The following HCRTR2 variants were observed in gnomAD, a reference collection of about 807,000 sequenced individuals.
HCRTR2 encodes orexin receptor type 2.
HCRTR2 carries 22 observed loss-of-function variants against 49.0 expected under a neutral mutation model. The ratio of observed to expected loss-of-function variants is 0.45; its 90% CI spans 0.32 to 0.64. HCRTR2 has a LOEUF of 0.64. HCRTR2 is among the 30% of genes least tolerant of loss of function. The probability of loss-of-function intolerance (pLI) is 0.04; values close to 1 mark genes in which losing one functional copy is unlikely to be tolerated. For missense variants in HCRTR2, 491 were observed against 559.4 expected (o/e 0.88, Z 1.23); for synonymous variants, 236 against 205.3 (o/e 1.15, Z -1.28).
intron 1 of HCRTR2, among the ~76,000 whole-genome samples, chr6:55,141,494 ATCTG>A (rs1764507004): frequency 6.6e-6 from 1 of 152,232 alleles, no homozygotes; most frequent in Non-Finnish European, 1.5e-5. Context: ...TATTTTAATT[ATCTG>A]TCTCTTATGT....
Position 55,230,528 on chromosome 6 carries a change from G to A in HCRTR2, c.224-18111G>A, listed in dbSNP as rs373872714. Among the ~76,000 whole-genome samples the A allele has an allele frequency of 2.8e-4, 43 of 152,280 alleles. 1 individual carries two copies. In the South Asian group the frequency reaches 4.1e-3, roughly 15 times the overall value. Reference sequence around the variant, plus strand: ...CCTGAATTGAAGTAATATGGGATGTGTTGAAAGAATACATCAAGACATTTT... The same window carrying A: ...CCTGAATTGAAGTAATATGGGATGTATTGAAAGAATACATCAAGACATTTT... On this transcript the variant is annotated intron_variant, in intron 1 of 6. Coordinates refer to ENST00000370862, the MANE Select transcript of HCRTR2 (RefSeq NM_001384272.1).
At position 55,162,929 on chromosome 6, in the gene HCRTR2, G is replaced by A. The variant is rs540511276; in HGVS notation, c.-377-11282G>A. Among the ~76,000 whole-genome samples the A allele has an allele frequency of 2.6e-5, 4 of 152,202 alleles. No homozygotes were observed. In the East Asian group the frequency reaches 7.7e-4, roughly 29 times the overall value. On this transcript the variant is annotated intron_variant, in intron 1 of 7. Transcript: ENST00000615358. ...ATAGACTCAATGCTATGTTCATCAA[G>A]CTACCACCGAATTTCTTCACAGAAT...
chr6:55,254,253 G>C (rs1457104843), intron 2 of HCRTR2, among the ~76,000 whole-genome samples: 2 of 151,892 alleles, frequency 1.3e-5, no homozygotes, highest in Non-Finnish European at 2.9e-5. Context: ...AAATGTAAAA[G>C]AAATCAGAAG....
intron 1 of HCRTR2, among the ~76,000 whole-genome samples, chr6:55,246,406 T>C (rs1171393700): frequency 6.6e-6 from 1 of 151,934 alleles, no homozygotes; most frequent in East Asian, 1.9e-4. Context: ...CACTGCAAAA[T>C]GAACTCAAGG....
chr6:55,203,552 G>A (rs987411773), intron 1 of HCRTR2, among the ~76,000 whole-genome samples: 1 of 152,106 alleles, frequency 6.6e-6, no homozygotes, highest in African/African-American at 2.4e-5. Context: ...ATGAAGTTAA[G>A]TGCTATGGAA....
intron 1 of HCRTR2, among the ~76,000 whole-genome samples, chr6:55,150,149 C>A (rs1764644861): frequency 1.3e-5 from 2 of 151,778 alleles, no homozygotes; most frequent in Middle Eastern, 3.2e-3. Context: ...ATTAAAAAAA[C>A]ATTTTATTAA....
intron 1 of HCRTR2, 93 bp from the exon 2 acceptor site, chr6:55,248,546 A>T: frequency 1.9e-6 from 2 of 1,039,076 alleles, no homozygotes; most frequent in Non-Finnish European, 3.0e-6. Context: ...TTTTAAATAC[A>T]TATTTGTGGA....
chr6:55,172,300 T>C (rs1252023234), upstream of HCRTR2, among the ~76,000 whole-genome samples: 1 of 152,208 alleles, frequency 6.6e-6, no homozygotes, highest in African/African-American at 2.4e-5. Context: ...TGGGATTTTC[T>C]ACTCATCATC....
intron 1 of HCRTR2, among the ~76,000 whole-genome samples, chr6:55,149,320 A>G (rs911577528): frequency 3.3e-5 from 5 of 152,132 alleles, no homozygotes; most frequent in African/African-American, 9.6e-5. Flanking sequence ...TTGTACCACT[A>G]TGGTCACCCA....
intron 1 of HCRTR2, among the ~76,000 whole-genome samples, chr6:55,222,154 G>A (rs4496804): frequency 0.17 from 26,141 of 151,974 alleles, 2,733 homozygotes; most frequent in Non-Finnish European, 0.24. Context: ...TGGACCTGAT[G>A]GATATCTCTC....
At chr6:55,208,889 T>A (rs1765650658) in intron 1 of HCRTR2, among the ~76,000 whole-genome samples, 1 of 152,250 alleles carries the variant, frequency 6.6e-6, no homozygotes, top group Non-Finnish European at 1.5e-5. Context: ...AAAAGCATTA[T>A]TTGGGCCTTA....
chr6:55,264,513 C>A (rs980934789), intron 4 of HCRTR2, among the ~76,000 whole-genome samples: 1 of 151,920 alleles, frequency 6.6e-6, no homozygotes, highest in Non-Finnish European at 1.5e-5. Flanking sequence ...AATTCATAGT[C>A]TAGAGGAGGG....
At position 55,248,816 on chromosome 6, in the gene HCRTR2, A is replaced by C; in HGVS notation, c.401A>C (p.Gln134Pro). 6.2e-7 allele frequency: 1 copy of C among 1,612,368 alleles called. No homozygotes were observed. Among genetic ancestry groups the C allele is most frequent in the Non-Finnish European group, 8.5e-7 (1 of 1,178,572 alleles). ...QSLCKVIPYL[Q>P]TVSVSVSVLT... ...CTTTGCAAAGTGATTCCTTATCTAC[A>C]GGTAATTGTTTTTAATGCTTTTTTG... The change falls in exon 2 of 7, where the codon CAG becomes CCG. Residue 134 changes from glutamine (Q) to proline (P), a missense_variant and splice_region_variant. Physicochemically the swap from Gln to Pro is moderately conservative, Grantham distance 76 (BLOSUM62 -1). Transcript: ENST00000370862.
intron 1 of HCRTR2, among the ~76,000 whole-genome samples, chr6:55,153,113 A>G (rs549475396): frequency 6.6e-6 from 1 of 152,010 alleles, no homozygotes; most frequent in East Asian, 1.9e-4. Context: ...TTGCATATGG[A>G]TATCCAGTTT....
At chr6:55,232,640 T>A (rs1337954189) in intron 1 of HCRTR2, among the ~76,000 whole-genome samples, 1 of 152,220 alleles carries the variant, frequency 6.6e-6, no homozygotes, top group Admixed American at 6.5e-5. Context: ...ATGACAAAGA[T>A]CACTTGTGAA....
chr6:55,168,302 AT>A (rs917868969), intron 1 of HCRTR2, among the ~76,000 whole-genome samples: 5 of 152,134 alleles, frequency 3.3e-5, no homozygotes, highest in Non-Finnish European at 5.9e-5. Context: ...ATACAACTGG[AT>A]TTTTTTAAAT....
At chr6:55,253,440 C>G (rs1287860564) in intron 2 of HCRTR2, among the ~76,000 whole-genome samples, 1 of 152,038 alleles carries the variant, frequency 6.6e-6, no homozygotes, top group Non-Finnish European at 1.5e-5. Context: ...AGATAACTAC[C>G]CTTTCCACAT....
At chr6:55,239,589 G>A (rs1285679935) in intron 1 of HCRTR2, among the ~76,000 whole-genome samples, 1 of 152,002 alleles carries the variant, frequency 6.6e-6, no homozygotes, top group Non-Finnish European at 1.5e-5. Context: ...GTACCTAACG[G>A]TTATCAACAC....
At chr6:55,119,688 A>G (rs1464857468) in intron 1 of HCRTR2, among the ~76,000 whole-genome samples, 1 of 150,118 alleles carries the variant, frequency 6.7e-6, no homozygotes, top group East Asian at 1.9e-4. Context: ...TCAGATGGAT[A>G]GATTGCAAAG....
Sources: gnomAD v4.1 joint callset for allele counts (sites outside exome capture counted in the v4.1 genomes callset) on GRCh38, gnomAD v4.1.1 for gene constraint, MANE v1.5 for transcripts, NCBI Gene and HGNC (gene_info 2026-07-23, HGNC 2026-07-21) for gene names.